SEMA6D: variants seen among roughly 807,000 people sequenced by gnomAD.
SEMA6D encodes semaphorin 6D, also known as semaphorin-6D.
Under a neutral mutation model 106.6 loss-of-function variants are expected in SEMA6D, and 35 were observed. The ratio of observed to expected loss-of-function variants is 0.33; its 90% confidence interval spans 0.25 to 0.44. The LOEUF is 0.44. SEMA6D is among the 20% of genes least tolerant of loss of function. The pLI, the probability that SEMA6D is intolerant of heterozygous loss-of-function variation, is 1.00. For synonymous variants in SEMA6D, 499 were observed against 487.7 expected (o/e 1.02, Z -0.31); for missense variants, 1,185 against 1,345.9 (o/e 0.88, Z 1.87).
intron 1 of SEMA6D, among the ~76,000 whole-genome samples, chr15:47,408,393 A>G (rs533158297): frequency 5.3e-5 from 8 of 152,352 alleles, no homozygotes; most frequent in African/African-American, 1.7e-4. Flanking sequence ...TAACAAAAAT[A>G]TACTTTCCAC....
chr15:47,655,923 C>T (rs1008726413), intron 4 of SEMA6D, among the ~76,000 whole-genome samples: 1 of 152,256 alleles, frequency 6.6e-6, no homozygotes, highest in African/African-American at 2.4e-5. Context: ...CTCACGCATT[C>T]ATTACCAGGT....
At chr15:47,218,074 T>C (rs1439991018) in intron 1 of SEMA6D, among the ~76,000 whole-genome samples, 1 of 152,138 alleles carries the variant, frequency 6.6e-6, no homozygotes, top group East Asian at 1.9e-4. Context: ...TATTGCTTGT[T>C]ATGTGACTTT....
chr15:47,461,923 A>G (rs1596057739), intron 2 of SEMA6D, among the ~76,000 whole-genome samples: 1 of 152,132 alleles, frequency 6.6e-6, no homozygotes, highest in East Asian at 1.9e-4. Flanking sequence ...GTCCAAGTCA[A>G]TGCATACCAA....
chr15:47,290,475 A>T (rs955752361), intron 1 of SEMA6D, among the ~76,000 whole-genome samples: 22 of 152,310 alleles, frequency 1.4e-4, no homozygotes, highest in African/African-American at 5.3e-4. Context: ...AGCTGAAAGA[A>T]ACAGACATGT....
At chr15:47,470,420 G>A (rs2042799610) in intron 2 of SEMA6D, 1 of 147,486 alleles carries the variant, frequency 6.8e-6, no homozygotes, top group Admixed American at 6.6e-5. Context: ...CATTTTCACA[G>A]CATTTGTAGC....
chr15:47,548,680 T>C (rs2045595526), intron 3 of SEMA6D, among the ~76,000 whole-genome samples: 1 of 152,140 alleles, frequency 6.6e-6, no homozygotes, highest in Non-Finnish European at 1.5e-5. Flanking sequence ...ATTTGGTTTA[T>C]AGCATGTCAA....
intron 4 of SEMA6D, among the ~76,000 whole-genome samples, chr15:47,601,714 A>C (rs1473649311): frequency 1.3e-5 from 2 of 152,220 alleles, no homozygotes; most frequent in African/African-American, 2.4e-5. Flanking sequence ...CTGGGCTTCC[A>C]ATTGAAAATT....
intron 3 of SEMA6D, among the ~76,000 whole-genome samples, chr15:47,568,898 A>T (rs2046304318): frequency 6.6e-6 from 1 of 152,082 alleles, no homozygotes; most frequent in Non-Finnish European, 1.5e-5. Flanking sequence ...TATTAATATT[A>T]TTATTATGGC....
At chr15:47,318,926 C>T (rs202196219) in intron 1 of SEMA6D, among the ~76,000 whole-genome samples, 1 of 151,936 alleles carries the variant, frequency 6.6e-6, no homozygotes, top group Admixed American at 6.6e-5. Context: ...CTCTCCAGCA[C>T]CTGTTGTTTC....
chr15:47,504,219 G>A (rs1010728790), intron 3 of SEMA6D, among the ~76,000 whole-genome samples: 6 of 152,178 alleles, frequency 3.9e-5, no homozygotes, highest in African/African-American at 1.4e-4. Flanking sequence ...CAACTGCTTA[G>A]CAGAACCAGG....
At chr15:47,712,434 C>G (rs918383607) in intron 4 of SEMA6D, among the ~76,000 whole-genome samples, 1 of 152,104 alleles carries the variant, frequency 6.6e-6, no homozygotes, top group Non-Finnish European at 1.5e-5. Context: ...TTATTTTAAC[C>G]AAGCCTAGGT....
chr15:47,544,974 G>C (rs16959682), intron 3 of SEMA6D, among the ~76,000 whole-genome samples: 9,126 of 152,044 alleles, frequency 0.06, 314 homozygotes, highest in South Asian at 0.095. Flanking sequence ...CCTGGAGAAG[G>C]GCAAGTTGTC....
chr15:47,541,605 C>T (rs924342308), intron 3 of SEMA6D, among the ~76,000 whole-genome samples: 1 of 152,166 alleles, frequency 6.6e-6, no homozygotes, highest in Non-Finnish European at 1.5e-5. Flanking sequence ...GAAATTCTGG[C>T]ATTTCTTCAG....
chr15:47,483,814 G>A (rs544277101), intron 3 of SEMA6D, among the ~76,000 whole-genome samples: 1 of 152,100 alleles, frequency 6.6e-6, no homozygotes, highest in Admixed American at 6.6e-5. Flanking sequence ...CATTTTCATG[G>A]CCAAGGAATA....
At chr15:47,561,918 T>C (rs2046093076) in intron 3 of SEMA6D, among the ~76,000 whole-genome samples, 1 of 151,962 alleles carries the variant, frequency 6.6e-6, no homozygotes, top group African/African-American at 2.4e-5. Context: ...AAGGTGCATA[T>C]TTCTATCATT....
intron 1 of SEMA6D, among the ~76,000 whole-genome samples, chr15:47,324,747 C>CGT (rs1395441550): frequency 6.6e-6 from 1 of 150,882 alleles, no homozygotes; most frequent in East Asian, 1.9e-4. Flanking sequence ...TGTGCACATA[C>CGT]GTGTGTATAT....
intron 3 of SEMA6D, among the ~76,000 whole-genome samples, chr15:47,535,426 G>A (rs1418240646): frequency 6.6e-6 from 1 of 152,106 alleles, no homozygotes; most frequent in Non-Finnish European, 1.5e-5. Context: ...TTGCTTCAAA[G>A]TACCTGATGT....
chr15:47,524,059 A>G (rs1440677801), intron 3 of SEMA6D, among the ~76,000 whole-genome samples: 2 of 152,226 alleles, frequency 1.3e-5, no homozygotes, highest in Non-Finnish European at 2.9e-5. Context: ...GACGTGGGAT[A>G]GATATAAATT....
At position 47,773,290 on chromosome 15, in the gene SEMA6D, C is replaced by T. The variant is rs1045688; in HGVS notation, c.*1505C>T. The stretch of plus-strand genomic sequence containing the variant: ...CTTTGCCGTGATAAACATTCCACTC[C>T]TGCTTTCCTAAGGATGAAACAGTGA... On this transcript the variant is annotated 3_prime_UTR_variant, in exon 19 of 19. Coordinates refer to ENST00000536845, the MANE Select transcript of SEMA6D (RefSeq NM_001358351.3). The T allele has an allele frequency of 0.21, 32,488 of 152,568 alleles. 4,005 individuals are homozygous for T. Among genetic ancestry groups the T allele is most frequent in the South Asian group, 0.28 (1,362 of 4,820 alleles). 9.5% of individuals were successfully genotyped at this position (152,568 alleles called of 1,614,324 possible). A position where few individuals can be genotyped will look rare whatever the true frequency, so the allele number is the denominator to read the frequency against.
Sources: gnomAD v4.1 joint callset for allele counts (sites outside exome capture counted in the v4.1 genomes callset) on GRCh38, gnomAD v4.1.1 for gene constraint, MANE v1.5 for transcripts, NCBI Gene and HGNC (gene_info 2026-07-23, HGNC 2026-07-21) for gene names.